Variants in CSMD1 observed in about 807,000 individuals in gnomAD.
CSMD1 encodes CUB and sushi domain-containing protein 1.
CSMD1 carries 213 observed loss-of-function variants against 417.5 expected under a neutral mutation model. That is an observed-to-expected ratio of 0.51 (90% CI 0.46 to 0.57). The LOEUF (loss-of-function observed/expected upper bound fraction) is 0.57, where lower values mean the gene tolerates loss of function less well. Among genes scored for constraint, CSMD1 ranks in the 20% least tolerant of loss-of-function variants. The pLI, the probability that CSMD1 is intolerant of heterozygous loss-of-function variation, is 0.00. For missense variants in CSMD1, 6,923 were observed against 4,529.7 expected (o/e 1.53, Z -15.17); for synonymous variants, 2,862 against 1,736.8 (o/e 1.65, Z -16.11).
At chr8:4,678,548 T>G (rs749764288) in intron 1 of CSMD1, among the ~76,000 whole-genome samples, 4 of 152,228 alleles carry the variant, frequency 2.6e-5, no homozygotes, top group Non-Finnish European at 5.9e-5. Flanking sequence ...GCAATAATTC[T>G]GCTTTTTGAT....
At chr8:3,267,795 G>T (rs779355663) in intron 26 of CSMD1, among the ~76,000 whole-genome samples, 24 of 152,116 alleles carry the variant, frequency 1.6e-4, no homozygotes, top group Non-Finnish European at 1.9e-4. Flanking sequence ...AGACCAAGGG[G>T]TGCAGAGGCC....
At chr8:4,662,499 T>A (rs1478583141) in intron 1 of CSMD1, among the ~76,000 whole-genome samples, 1 of 152,232 alleles carries the variant, frequency 6.6e-6, no homozygotes, top group Admixed American at 6.5e-5. Context: ...TGGTGCTTTC[T>A]GGTGGTGAAA....
chr8:4,011,160 A>G (rs764207780), intron 4 of CSMD1, among the ~76,000 whole-genome samples: 1 of 152,162 alleles, frequency 6.6e-6, no homozygotes, highest in Non-Finnish European at 1.5e-5. Context: ...CCTACTTATA[A>G]AATATCTTTC....
intron 1 of CSMD1, among the ~76,000 whole-genome samples, chr8:4,816,238 G>T (rs62484628): frequency 6.6e-6 from 1 of 151,972 alleles, no homozygotes; most frequent in Admixed American, 6.6e-5. Flanking sequence ...AGTTTGGAGT[G>T]CAGTAGTGCA....
At chr8:4,503,226 G>A (rs890804710) in intron 2 of CSMD1, among the ~76,000 whole-genome samples, 8 of 152,178 alleles carry the variant, frequency 5.3e-5, no homozygotes, top group South Asian at 2.1e-4. Context: ...AGTCTACAGC[G>A]TCATAGTGTC....
chr8:4,693,217 T>G (rs182882802), intron 1 of CSMD1, among the ~76,000 whole-genome samples: 1 of 152,310 alleles, frequency 6.6e-6, no homozygotes, highest in African/African-American at 2.4e-5. Flanking sequence ...TGCTCACCCC[T>G]TGGGTGACGG....
At chr8:3,642,724 A>G (rs1447428021) in intron 7 of CSMD1, among the ~76,000 whole-genome samples, 1 of 152,200 alleles carries the variant, frequency 6.6e-6, no homozygotes, top group Non-Finnish European at 1.5e-5. Context: ...ATCTATTAGT[A>G]AAAGAAAGAC....
intron 5 of CSMD1, among the ~76,000 whole-genome samples, chr8:3,819,398 G>A (rs114641189): frequency 0.022 from 3,372 of 152,142 alleles, 46 homozygotes; most frequent in African/African-American, 0.037. Flanking sequence ...AGAAAGTCAA[G>A]TTTACATTAA....
At chr8:4,259,216 A>C (rs1435212849) in intron 3 of CSMD1, among the ~76,000 whole-genome samples, 1 of 152,210 alleles carries the variant, frequency 6.6e-6, no homozygotes, top group East Asian at 1.9e-4. Context: ...ACGGCTTTCA[A>C]ATCGCAGAGA....
At chr8:4,455,463 G>C (rs1163726621) in intron 2 of CSMD1, among the ~76,000 whole-genome samples, 1 of 152,066 alleles carries the variant, frequency 6.6e-6, no homozygotes, top group Non-Finnish European at 1.5e-5. Context: ...CAGCCACCTT[G>C]CTTGACAGCA....
intron 3 of CSMD1, among the ~76,000 whole-genome samples, chr8:4,348,938 G>A (rs1207814905): frequency 6.6e-6 from 1 of 152,024 alleles, no homozygotes; most frequent in Non-Finnish European, 1.5e-5. Flanking sequence ...TCCTTAACCA[G>A]ACAGTGCCCT....
intron 2 of CSMD1, among the ~76,000 whole-genome samples, chr8:4,451,779 G>C (rs1268081343): frequency 2.0e-5 from 3 of 152,064 alleles, no homozygotes; most frequent in South Asian, 4.2e-4. Context: ...AGTAGTATTT[G>C]AGCAGGATCC....
intron 5 of CSMD1, among the ~76,000 whole-genome samples, chr8:3,799,492 A>T (rs1439072861): frequency 6.8e-6 from 1 of 146,950 alleles, no homozygotes; most frequent in Admixed American, 7.1e-5. Flanking sequence ...TGAGACATGG[A>T]TTTGAAGAAG....
chr8:3,791,285 T>C (rs981584752), intron 5 of CSMD1, among the ~76,000 whole-genome samples: 5 of 152,186 alleles, frequency 3.3e-5, no homozygotes, highest in African/African-American at 4.8e-5. Context: ...CTTGCTCTAA[T>C]TAATGAACAT....
intron 1 of CSMD1, among the ~76,000 whole-genome samples, chr8:4,777,316 C>G (rs78581045): frequency 6.6e-6 from 1 of 152,130 alleles, no homozygotes; most frequent in Non-Finnish European, 1.5e-5. Context: ...AACCAGAAAA[C>G]TGGGACTAGT....
chr8:3,467,321 G>C (rs1252101353), intron 12 of CSMD1, among the ~76,000 whole-genome samples: 1 of 152,222 alleles, frequency 6.6e-6, no homozygotes, highest in Non-Finnish European at 1.5e-5. Context: ...CTGTTGGGAA[G>C]TGTCTGGTAT....
At chr8:3,312,609 G>A (rs1484717523) in intron 23 of CSMD1, among the ~76,000 whole-genome samples, 5 of 152,108 alleles carry the variant, frequency 3.3e-5, no homozygotes, top group African/African-American at 1.2e-4. Flanking sequence ...CCTTTACAAT[G>A]GGAAGTAGCA....
chr8:4,830,963 G>A (rs896677330), intron 1 of CSMD1, among the ~76,000 whole-genome samples: 4 of 152,252 alleles, frequency 2.6e-5, no homozygotes, highest in African/African-American at 9.6e-5. Context: ...GAAGAAAAAG[G>A]TAGCTAATCA....
In CSMD1 at chr8:3,642,939, G is replaced by C. The variant is rs913043021; in HGVS notation, c.1010-26142C>G. Reference sequence around the variant, plus strand: ...CTTTCTGAAGATAAAACCACTAATAGTTAAAATAAAAAAATACAAATTAGG... The same window carrying C: ...CTTTCTGAAGATAAAACCACTAATACTTAAAATAAAAAAATACAAATTAGG... On this transcript the variant is annotated intron_variant, in intron 7 of 69. Coordinates refer to ENST00000635120, the MANE Select transcript of CSMD1 (RefSeq NM_033225.6). 2.6e-5 allele frequency among the ~76,000 whole-genome samples: 4 copies of C among 151,470 alleles called. No homozygotes were observed. The East Asian group carries it at 5.8e-4, about 22-fold the overall frequency.
Sources: gnomAD v4.1 joint callset for allele counts (sites outside exome capture counted in the v4.1 genomes callset) on GRCh38, gnomAD v4.1.1 for gene constraint, MANE v1.5 for transcripts, NCBI Gene and HGNC (gene_info 2026-07-23, HGNC 2026-07-21) for gene names.